Variants in ACTN4 observed in about 807,000 individuals in gnomAD.
The protein encoded by ACTN4 is actinin alpha 4.
ACTN4 carries 18 observed loss-of-function variants against 114.2 expected under a neutral mutation model. That is an observed-to-expected ratio of 0.16 (90% CI 0.11 to 0.23). The LOEUF (loss-of-function observed/expected upper bound fraction) is 0.23, where lower values mean the gene tolerates loss of function less well. ACTN4 is among the 10% of genes least tolerant of loss of function. The pLI, the probability that ACTN4 is intolerant of heterozygous loss-of-function variation, is 1.00. For synonymous variants in ACTN4, 515 were observed against 506.3 expected (o/e 1.02, Z -0.23); for missense variants, 722 against 1,262.9 (o/e 0.57, Z 6.49).
chr19:38,650,737 G>GTTGTTTGT (rs578119525), intron 1 of ACTN4, among the ~76,000 whole-genome samples: 10 of 152,160 alleles, frequency 6.6e-5, no homozygotes, highest in African/African-American at 1.7e-4. Flanking sequence ...GGCTGGCTGG[G>GTTGTTTGT]TTGTTTGTTT....
chr19:38,673,680 A>G (rs1398087170), intron 1 of ACTN4, among the ~76,000 whole-genome samples: 1 of 103,516 alleles, frequency 9.7e-6, no homozygotes, highest in African/African-American at 4.5e-5. Flanking sequence ...ATATTTATAT[A>G]TTTATATATA....
chr19:38,679,568 C>CATGTGTGTGT (rs1555827862), intron 1 of ACTN4, among the ~76,000 whole-genome samples: 3 of 145,420 alleles, frequency 2.1e-5, no homozygotes, highest in Non-Finnish European at 4.5e-5. Context: ...TTTGGGTGTG[C>CATGTGTGTGT]GTGTGTGTGT....
chr19:38,668,350 C>G (rs1008554488), intron 1 of ACTN4, among the ~76,000 whole-genome samples: 2 of 152,108 alleles, frequency 1.3e-5, no homozygotes, highest in Non-Finnish European at 2.9e-5. Context: ...CTTGGAGATA[C>G]AACAAGAAAG....
intron 1 of ACTN4, among the ~76,000 whole-genome samples, chr19:38,680,655 T>G (rs1967536214): frequency 6.6e-6 from 1 of 152,174 alleles, no homozygotes; most frequent in African/African-American, 2.4e-5. Flanking sequence ...GGCTTGGCAT[T>G]GCCCATTTGT....
intron 1 of ACTN4, among the ~76,000 whole-genome samples, chr19:38,679,562 G>GGTGTGTGTGTGTGTGTGTGT: frequency 1.0e-5 from 1 of 96,402 alleles, no homozygotes; most frequent in African/African-American, 3.3e-5. Context: ...AATAGATTTG[G>GGTGTGTGTGTGTGTGTGTGT]GTGTGCGTGT....
intron 1 of ACTN4, among the ~76,000 whole-genome samples, chr19:38,691,277 T>C (rs1967914847): frequency 6.6e-6 from 1 of 151,718 alleles, no homozygotes; most frequent in South Asian, 2.1e-4. Context: ...TAGCCAGGCC[T>C]GTAATCCCAG....
intron 8 of ACTN4, among the ~76,000 whole-genome samples, chr19:38,713,489 T>C (rs1968732542): frequency 6.6e-6 from 1 of 152,168 alleles, no homozygotes; most frequent in Admixed American, 6.5e-5. Flanking sequence ...CTCTTGGACC[T>C]CATCTCTGAG....
rs36095247 is a variant in ACTN4 at position 38,660,301 on chromosome 19, G to C, written c.162+12394G>C. On this transcript the variant is annotated intron_variant, in intron 1 of 20. Coordinates refer to ENST00000252699, the MANE Select transcript of ACTN4 (RefSeq NM_004924.6). Reference sequence around the variant, plus strand: ...ATAGATAATGAACAAGGTAACTTCAGATAGGATTATGTGCAATAAATTAAA... The same window carrying C: ...ATAGATAATGAACAAGGTAACTTCACATAGGATTATGTGCAATAAATTAAA... Among the ~76,000 whole-genome samples the C allele has an allele frequency of 9.8e-5, 15 of 152,292 alleles. 1 individual carries two copies. In the East Asian group the frequency reaches 2.7e-3, roughly 27 times the overall value.
At chr19:38,663,553 C>A (rs1220518845) in intron 1 of ACTN4, among the ~76,000 whole-genome samples, 1 of 152,188 alleles carries the variant, frequency 6.6e-6, no homozygotes, top group Non-Finnish European at 1.5e-5. Flanking sequence ...TGGAAACTTT[C>A]ATAAAGGAGG....
chr19:38,673,688 A>AT (rs1431777701), intron 1 of ACTN4, among the ~76,000 whole-genome samples: 13 of 86,482 alleles, frequency 1.5e-4, no homozygotes, highest in South Asian at 3.3e-4. Context: ...ATATTTATAT[A>AT]TATTATATAT....
intron 12 of ACTN4, 59 bp downstream of exon 12, chr19:38,721,747 G>C: frequency 6.2e-7 from 1 of 1,601,616 alleles, no homozygotes; most frequent in Non-Finnish European, 8.5e-7. Flanking sequence ...TGCCCAGACT[G>C]GTGGCGGCAG....
intron 1 of ACTN4, among the ~76,000 whole-genome samples, chr19:38,669,365 G>A (rs1967064035): frequency 6.6e-6 from 1 of 152,234 alleles, no homozygotes; most frequent in African/African-American, 2.4e-5. Flanking sequence ...AAGGAGGCAA[G>A]AAGGATGCAT....
At position 38,717,925 on chromosome 19, in the gene ACTN4, A is replaced by G; in HGVS notation, c.1144-2A>G. The G allele has an allele frequency of 6.3e-7, 1 of 1,595,058 alleles. No individual in the cohort carries two copies. Among genetic ancestry groups the G allele is most frequent in the Non-Finnish European group, 8.5e-7 (1 of 1,170,196 alleles). On this transcript the variant is annotated splice_acceptor_variant, in intron 10 of 20. Coordinates refer to ENST00000252699, the MANE Select transcript of ACTN4 (RefSeq NM_004924.6). LOFTEE classifies it high-confidence loss of function. This position sits in a 1 kb window ranked among gnomAD's most constrained non-coding sequence, Gnocchi z 4.0. ...GCCCTGCCTGCTCCTGCCCTGCCCC[A>G]GGACATCAACAATGGCTGGCAGCAC...
chr19:38,666,621 G>A (rs1309810896), intron 1 of ACTN4, among the ~76,000 whole-genome samples: 1 of 152,228 alleles, frequency 6.6e-6, no homozygotes, highest in Non-Finnish European at 1.5e-5. Context: ...TCACGGCTGG[G>A]ACTGTGCATA....
intron 8 of ACTN4, among the ~76,000 whole-genome samples, chr19:38,712,246 A>AGG (rs35992048): frequency 5.3e-4 from 81 of 151,836 alleles, no homozygotes; most frequent in African/African-American, 1.8e-3. Context: ...TAAAACTAGA[A>AGG]GGGGGGGGCC....
intron 1 of ACTN4, among the ~76,000 whole-genome samples, chr19:38,652,979 G>A (rs1052214624): frequency 6.6e-6 from 1 of 151,926 alleles, no homozygotes; most frequent in Non-Finnish European, 1.5e-5. Context: ...CCAGCTACTT[G>A]GGAGGCTGAG....
At chr19:38,694,410 C>G (rs978057394) in intron 1 of ACTN4, among the ~76,000 whole-genome samples, 7 of 152,070 alleles carry the variant, frequency 4.6e-5, no homozygotes, top group African/African-American at 1.7e-4. Context: ...TAGGAGCCCG[C>G]CACCACGCCC....
Position 38,724,312 on chromosome 19 carries a change from G to A in ACTN4, c.1848G>A (p.Pro616=), listed in dbSNP as rs544896157. The A allele has an allele frequency of 1.7e-5, 28 of 1,613,708 alleles. No homozygotes were observed. The highest frequency in any genetic ancestry group is 6.6e-5 in the South Asian group (6 of 91,078). ...SGSNPYTTVT[P]QIINSKWEKV... is the part of the protein sequence containing the mutation. ...GCAACCCCTACACCACCGTCACCCC[G>A]CAAATCATCAACTCCAAGTGGGAGA... is the stretch of plus-strand genomic sequence containing the variant. Residue 616 remains proline (P), a synonymous_variant, in exon 15 of 21, where the codon CCG becomes CCA. Transcript: ENST00000252699. This position sits in a 1 kb window ranked among gnomAD's most constrained non-coding sequence, Gnocchi z 7.0.
chr19:38,701,357 C>T (rs886989192), intron 3 of ACTN4, among the ~76,000 whole-genome samples: 10 of 152,172 alleles, frequency 6.6e-5, no homozygotes, highest in African/African-American at 2.4e-4. Flanking sequence ...CTAGGAAGTG[C>T]AACCCACCCA....
Sources: allele counts gnomAD v4.1 joint callset (sites outside exome capture counted in the v4.1 genomes callset), GRCh38; gene constraint gnomAD v4.1.1; non-coding constraint Gnocchi (gnomAD v3.1); transcripts MANE v1.5; gene names NCBI Gene and HGNC (gene_info 2026-07-23, HGNC 2026-07-21).